The following MAGI2 variants were observed in gnomAD, a reference collection of about 807,000 sequenced individuals.
MAGI2 encodes membrane-associated guanylate kinase, WW and PDZ domain-containing protein 2.
A neutral mutation model predicts 133.3 loss-of-function variants in MAGI2; 35 were observed. That is an observed-to-expected ratio of 0.26 (90% CI 0.20 to 0.35). The LOEUF (loss-of-function observed/expected upper bound fraction) is 0.35, where lower values mean the gene tolerates loss of function less well. MAGI2 is among the 10% of genes least tolerant of loss of function. The probability of loss-of-function intolerance (pLI) is 1.00; values close to 1 mark genes in which losing one functional copy is unlikely to be tolerated. For missense variants in MAGI2, 1,636 were observed against 1,863.4 expected (o/e 0.88, Z 2.25); for synonymous variants, 729 against 710.6 (o/e 1.03, Z -0.41).
intron 2 of MAGI2, among the ~76,000 whole-genome samples, chr7:78,908,401 G>T (rs1798141308): frequency 6.6e-6 from 1 of 152,162 alleles, no homozygotes; most frequent in Non-Finnish European, 1.5e-5. Flanking sequence ...CAGCTGGGTG[G>T]TGAACTCTGG....
chr7:78,994,142 A>G (rs1584610845), intron 2 of MAGI2, among the ~76,000 whole-genome samples: 1 of 152,206 alleles, frequency 6.6e-6, no homozygotes, highest in East Asian at 1.9e-4. Flanking sequence ...GAGATCTGAG[A>G]AGCTGTCATT....
intron 3 of MAGI2, among the ~76,000 whole-genome samples, chr7:78,557,082 A>AAAAAAAAAAAAAAAAAAAG: frequency 7.3e-6 from 1 of 137,486 alleles, no homozygotes; most frequent in African/African-American, 2.7e-5. Context: ...CAGAGTCTCA[A>AAAAAAAAAAAAAAAAAAAG]AAAAAAAAAA....
intron 3 of MAGI2, among the ~76,000 whole-genome samples, chr7:78,557,474 C>T (rs1219673933): frequency 6.6e-6 from 1 of 152,114 alleles, no homozygotes; most frequent in East Asian, 1.9e-4. Flanking sequence ...TTCCCTTCCC[C>T]ATCTTACTTA....
intron 1 of MAGI2, among the ~76,000 whole-genome samples, chr7:79,408,067 T>C (rs560667119): frequency 6.6e-6 from 1 of 152,134 alleles, no homozygotes; most frequent in Non-Finnish European, 1.5e-5. Flanking sequence ...AGATAGCTAA[T>C]ATTATGCCCC....
chr7:78,875,169 A>C (rs58851717), intron 2 of MAGI2, among the ~76,000 whole-genome samples: 5,084 of 152,278 alleles, frequency 0.033, 243 homozygotes, highest in East Asian at 0.21. Flanking sequence ...AGCTGGGGCA[A>C]AGAAAAAATA....
chr7:78,672,526 C>A (rs1331171011), intron 2 of MAGI2, among the ~76,000 whole-genome samples: 1 of 152,142 alleles, frequency 6.6e-6, no homozygotes, highest in Non-Finnish European at 1.5e-5. Context: ...TCTGGATACC[C>A]ATTCAACCAA....
intron 6 of MAGI2, among the ~76,000 whole-genome samples, chr7:78,476,919 G>A (rs1791816884): frequency 6.6e-6 from 1 of 151,668 alleles, no homozygotes; most frequent in African/African-American, 2.4e-5. Flanking sequence ...ATCATCATCA[G>A]CCTTGGAATG....
At chr7:78,721,000 C>A (rs1257268714) in intron 2 of MAGI2, among the ~76,000 whole-genome samples, 1 of 151,912 alleles carries the variant, frequency 6.6e-6, no homozygotes, top group Non-Finnish European at 1.5e-5. Context: ...ATACAGGGGG[C>A]CTAATCATTT....
chr7:78,923,454 C>A lies in MAGI2; in HGVS notation c.418+83636G>T, dbSNP rs532985781. On this transcript the variant is annotated intron_variant, in intron 2 of 21. Coordinates refer to ENST00000354212, the MANE Select transcript of MAGI2 (RefSeq NM_012301.4). Reference sequence around the variant, plus strand: ...AGCACCATTTATTAAATAGGGAATCCTTTCCCCATTGCTTGTTTTTCTCAG... The same window carrying A: ...AGCACCATTTATTAAATAGGGAATCATTTCCCCATTGCTTGTTTTTCTCAG... Among the ~76,000 whole-genome samples, 44 of 152,244 alleles carry A rather than the reference C, an allele frequency of 2.9e-4. No individual in the cohort carries two copies. In the South Asian group the frequency reaches 5.8e-3, roughly 20 times the overall value.
intron 1 of MAGI2, among the ~76,000 whole-genome samples, chr7:79,169,840 G>A (rs201562483): frequency 6.6e-6 from 1 of 151,878 alleles, no homozygotes; most frequent in East Asian, 1.9e-4. Context: ...TTTGCAGGAG[G>A]GGTGATTAGC....
chr7:78,284,639 G>A (rs2151022074), intron 9 of MAGI2, among the ~76,000 whole-genome samples: 1 of 152,092 alleles, frequency 6.6e-6, no homozygotes, highest in South Asian at 2.1e-4. Flanking sequence ...ATAGTTCACT[G>A]AGCTGTAAGG....
chr7:78,204,665 T>C (rs1421364795), intron 10 of MAGI2, among the ~76,000 whole-genome samples: 5 of 152,198 alleles, frequency 3.3e-5, no homozygotes, highest in Admixed American at 6.5e-5. Flanking sequence ...TTGATTTTTA[T>C]CCTTAGCAAC....
intron 13 of MAGI2, among the ~76,000 whole-genome samples, chr7:78,185,280 A>G (rs7784498): frequency 0.015 from 2,289 of 152,348 alleles, 68 homozygotes; most frequent in African/African-American, 0.053. Context: ...TAGAACAGCC[A>G]CATTTCAAGT....
chr7:79,194,878 T>C (rs1210286168), intron 1 of MAGI2, among the ~76,000 whole-genome samples: 5 of 151,888 alleles, frequency 3.3e-5, no homozygotes, highest in Non-Finnish European at 7.4e-5. Context: ...AAGTTACTTT[T>C]ACTGGGACAT....
rs376342546 is a variant in MAGI2 at position 79,016,775 on chromosome 7, A to G, written c.302-9569T>C. Among the ~76,000 whole-genome samples the G allele has an allele frequency of 2.6e-5, 4 of 152,026 alleles. No homozygotes were observed. The South Asian group carries it at 6.2e-4, about 24-fold the overall frequency. ...GGAAACTGGAGACTGTCAGCCCCAC[A>G]CCCACCTGCACCCCACCCCTATGCC... On this transcript the variant is annotated intron_variant, in intron 1 of 21. Coordinates refer to ENST00000354212, the MANE Select transcript of MAGI2 (RefSeq NM_012301.4).
At chr7:78,777,287 C>T (rs1207898) in intron 2 of MAGI2, among the ~76,000 whole-genome samples, 49,263 of 152,042 alleles carry the variant, frequency 0.32, 8,181 homozygotes, top group South Asian at 0.48. Context: ...AGAGCTTCAG[C>T]GACCTTGACT....
intron 1 of MAGI2, among the ~76,000 whole-genome samples, chr7:79,326,900 C>G (rs1353178259): frequency 6.6e-6 from 1 of 152,120 alleles, no homozygotes; most frequent in Admixed American, 6.6e-5. Flanking sequence ...TCACAGAGCT[C>G]ACTGGATTTA....
intron 2 of MAGI2, among the ~76,000 whole-genome samples, chr7:78,799,466 A>G (rs886635770): frequency 2.0e-5 from 3 of 152,160 alleles, no homozygotes; most frequent in Non-Finnish European, 4.4e-5. Context: ...TTGTGTACAC[A>G]TGTAAGGAAA....
At chr7:78,803,023 C>T (rs1287966110) in intron 2 of MAGI2, among the ~76,000 whole-genome samples, 4 of 150,238 alleles carry the variant, frequency 2.7e-5, no homozygotes, top group East Asian at 2.0e-4. Flanking sequence ...TTGGTTTTGA[C>T]TTTTAATATT....
Sources: gnomAD v4.1 joint callset for allele counts (sites outside exome capture counted in the v4.1 genomes callset) on GRCh38, gnomAD v4.1.1 for gene constraint, MANE v1.5 for transcripts, NCBI Gene and HGNC (gene_info 2026-07-23, HGNC 2026-07-21) for gene names.